Variants in BICC1 observed in about 807,000 individuals in gnomAD.
BICC1 encodes the protein protein bicaudal C homolog 1.
BICC1 carries 43 observed loss-of-function variants against 111.0 expected under a neutral mutation model. The observed-to-expected ratio is 0.39, with a 90% CI of 0.30 to 0.50. The LOEUF (loss-of-function observed/expected upper bound fraction) is 0.50. Ranked by LOEUF, BICC1 falls within the 20% of genes least tolerant of loss-of-function variation. The probability of loss-of-function intolerance (pLI) is 0.88; values close to 1 mark genes in which losing one functional copy is unlikely to be tolerated. For synonymous variants in BICC1, 467 were observed against 434.4 expected (o/e 1.07, Z -0.93); for missense variants, 1,091 against 1,203.2 (o/e 0.91, Z 1.38).
At chr10:58,660,780 G>T (rs578098164) in intron 2 of BICC1, among the ~76,000 whole-genome samples, 59 of 152,276 alleles carry the variant, frequency 3.9e-4, no homozygotes, top group African/African-American at 1.2e-3. Context: ...TCCTCAGGAG[G>T]AGAGGAGAGA....
At chr10:58,643,201 CT>C (rs1322285561) in intron 2 of BICC1, among the ~76,000 whole-genome samples, 1 of 152,178 alleles carries the variant, frequency 6.6e-6, no homozygotes, top group African/African-American at 2.4e-5. Flanking sequence ...CCTCTGAAGG[CT>C]TTGTGATGAT....
At chr10:58,778,400 G>A (rs1332048066) in intron 3 of BICC1, among the ~76,000 whole-genome samples, 1 of 152,028 alleles carries the variant, frequency 6.6e-6, no homozygotes, top group Non-Finnish European at 1.5e-5. Context: ...TTGACCAGAT[G>A]CCTACCAGTA....
intron 2 of BICC1, among the ~76,000 whole-genome samples, chr10:58,657,857 A>G (rs2132276622): frequency 6.6e-6 from 1 of 152,244 alleles, no homozygotes; most frequent in East Asian, 1.9e-4. Flanking sequence ...ATGTGTGGAT[A>G]TAGCGTAAAG....
At chr10:58,694,962 C>T (rs1840026689) in intron 2 of BICC1, among the ~76,000 whole-genome samples, 1 of 152,150 alleles carries the variant, frequency 6.6e-6, no homozygotes, top group South Asian at 2.1e-4. Context: ...CACAAGGAGT[C>T]ACATGACCTG....
At chr10:58,769,400 G>A (rs1390527884) in intron 3 of BICC1, among the ~76,000 whole-genome samples, 5,436 of 106,002 alleles carry the variant, frequency 0.051, 294 homozygotes, top group African/African-American at 0.14. Context: ...GTGTGTGTGT[G>A]TGTGTATATA....
At chr10:58,561,213 A>T (rs1054256177) in intron 1 of BICC1, among the ~76,000 whole-genome samples, 6 of 152,106 alleles carry the variant, frequency 3.9e-5, no homozygotes, top group African/African-American at 1.4e-4. Context: ...ATTCATGCTT[A>T]TGTATCTGGG....
At chr10:58,646,474 G>C (rs560812925) in intron 2 of BICC1, among the ~76,000 whole-genome samples, 17 of 152,100 alleles carry the variant, frequency 1.1e-4, no homozygotes, top group Admixed American at 4.6e-4. Context: ...CTTTAAAAAA[G>C]GTTTTAGGGT....
intron 2 of BICC1, among the ~76,000 whole-genome samples, chr10:58,642,923 C>T (rs950034321): frequency 6.6e-6 from 1 of 152,074 alleles, no homozygotes; most frequent in Non-Finnish European, 1.5e-5. Flanking sequence ...AGGCCAGTCG[C>T]AAACTCCTTG....
intron 3 of BICC1, among the ~76,000 whole-genome samples, chr10:58,722,487 CATCA>C (rs1299094061): frequency 6.6e-6 from 1 of 152,084 alleles, no homozygotes; most frequent in Non-Finnish European, 1.5e-5. Context: ...ACAGTATTCT[CATCA>C]ATCACATGAA....
chr10:58,763,975 C>T (rs1842389646), intron 3 of BICC1, among the ~76,000 whole-genome samples: 1 of 152,058 alleles, frequency 6.6e-6, no homozygotes, highest in African/African-American at 2.4e-5. Flanking sequence ...CAAGGAATAT[C>T]AAATGAAGAC....
intron 8 of BICC1, among the ~76,000 whole-genome samples, chr10:58,791,126 A>AT (rs1322729322): frequency 2.6e-5 from 4 of 152,008 alleles, no homozygotes; most frequent in African/African-American, 9.7e-5. Context: ...ATTTGTCATG[A>AT]TTTTTTTTAG....
chr10:58,553,378 TG>T (rs1306920068), intron 1 of BICC1, among the ~76,000 whole-genome samples: 1 of 152,146 alleles, frequency 6.6e-6, no homozygotes, highest in East Asian at 1.9e-4. Flanking sequence ...TTGGAATTGT[TG>T]GACTTCAAGA....
chr10:58,801,720 T>C (rs1450776051), intron 14 of BICC1, among the ~76,000 whole-genome samples: 1 of 152,148 alleles, frequency 6.6e-6, no homozygotes, highest in East Asian at 1.9e-4. Context: ...AGAGTGTCTT[T>C]ATGCAAAGAT....
At position 58,798,431 on chromosome 10, in the gene BICC1, A is replaced by G. The variant is rs747794940; in HGVS notation, c.1399A>G (p.Thr467Ala). ...LLGPTTLSLN[T>A]STTPNSLLNA... ...GGGACCCACCACCTTATCTCTGAACACTTCAACAACCCCAAACTCACTCTT... is the reference window on the plus strand; with the variant it reads ...GGGACCCACCACCTTATCTCTGAACGCTTCAACAACCCCAAACTCACTCTT... Residue 467 changes from threonine (T) to alanine (A), a missense_variant, in exon 11 of 21, where the codon ACT becomes GCT. By Grantham distance (58) the Thr-to-Ala change is moderately conservative (BLOSUM62 0). This residue lies in a region of BICC1 where 843 missense variants were observed against 900.8 expected (regional missense o/e 0.94). Transcript: ENST00000373886. 1.2e-5 allele frequency: 20 copies of G among 1,610,552 alleles called. No homozygotes were observed. Among genetic ancestry groups the G allele is most frequent in the Admixed American group, 1.7e-5 (1 of 59,336 alleles).
intron 2 of BICC1, among the ~76,000 whole-genome samples, chr10:58,699,479 C>T (rs909681299): frequency 2.6e-5 from 4 of 152,166 alleles, no homozygotes; most frequent in African/African-American, 9.7e-5. Flanking sequence ...TTTCTGGGCA[C>T]TTCTACTAAT....
At chr10:58,803,566 C>G (rs2393501) in intron 15 of BICC1, among the ~76,000 whole-genome samples, 1 of 151,968 alleles carries the variant, frequency 6.6e-6, no homozygotes, top group Non-Finnish European at 1.5e-5. Context: ...TCTAAGTATT[C>G]TTGCTTCATG....
chr10:58,513,450 A>C (rs993769810), intron 1 of BICC1, 117 bp downstream of exon 1: 120 of 1,011,062 alleles, frequency 1.2e-4, no homozygotes, highest in Admixed American at 3.4e-5. Flanking sequence ...GTTTAGCTCC[A>C]GGCCCGCTCC....
At chr10:58,685,953 C>T (rs1002627316) in intron 2 of BICC1, among the ~76,000 whole-genome samples, 63 of 152,130 alleles carry the variant, frequency 4.1e-4, no homozygotes, top group Non-Finnish European at 1.6e-4. Context: ...CAGTTTCTTC[C>T]TAGCATCAAT....
chr10:58,649,431 C>T (rs1272054881), intron 2 of BICC1, among the ~76,000 whole-genome samples: 2 of 152,078 alleles, frequency 1.3e-5, no homozygotes, highest in African/African-American at 4.8e-5. Flanking sequence ...TTAGTAAAGC[C>T]CAGCAACTAG....
Sources: gnomAD v4.1 joint callset for allele counts (sites outside exome capture counted in the v4.1 genomes callset) on GRCh38, gnomAD v4.1.1 for gene constraint, gnomAD v4.1.1 regional missense constraint, MANE v1.5 for transcripts, NCBI Gene and HGNC (gene_info 2026-07-23, HGNC 2026-07-21) for gene names.